The following YBX3 variants were observed in gnomAD, a reference collection of about 807,000 sequenced individuals.
YBX3 encodes the protein Y-box binding protein 3, also known as Y-box-binding protein 3.
A neutral mutation model predicts 42.4 loss-of-function variants in YBX3; 29 were observed. The ratio of observed to expected loss-of-function variants is 0.68; its 90% CI spans 0.51 to 0.93. The LOEUF is 0.93. Ranked by LOEUF, YBX3 falls within the 40% of genes least tolerant of loss-of-function variation. The pLI is 0.00. For missense variants in YBX3, 517 were observed against 527.5 expected, an observed-to-expected ratio of 0.98 and a Z score of 0.19; for synonymous variants, 195 against 189.8, an observed-to-expected ratio of 1.03 and a Z score of -0.22.
chr12:10,722,723 T>C (rs1046806136), intron 1 of YBX3, 127 bp downstream of exon 1: 44 of 891,904 alleles, frequency 4.9e-5, no homozygotes, highest in Non-Finnish European at 8.8e-6. Context: ...CGGAGATCCC[T>C]GGGGACCCTG....
rs540991772 is a variant in YBX3 at position 10,722,168 on chromosome 12, T to C, written c.262+682A>G. The C allele has an allele frequency of 3.9e-5, 6 of 152,348 alleles. No individual in the cohort carries two copies. The South Asian group carries it at 1.2e-3, about 32-fold the overall frequency. 9.4% of individuals were successfully genotyped at this position (152,348 alleles called of 1,614,324 possible). A position where few individuals can be genotyped will look rare whatever the true frequency, so the allele number is the denominator to read the frequency against. On this transcript the variant is annotated intron_variant, in intron 1 of 9. Transcript: ENST00000228251. The stretch of plus-strand genomic sequence containing the variant: ...CATTGGTGGACACTGAATGGCTGTT[T>C]GCAGCCGTGGGCACAGAGAGGGGGA...
At chr12:10,701,526 C>T (rs1421909713) in intron 8 of YBX3, among the ~76,000 whole-genome samples, 173 bp from the exon 9 acceptor site, 1 of 152,166 alleles carries the variant, frequency 6.6e-6, no homozygotes, top group Non-Finnish European at 1.5e-5. Context: ...CCTGGCATCT[C>T]TACCAAAACA....
rs762339088 is a variant in YBX3, at chr12:10,718,065, G to A, written c.360+23C>T. The A allele has an allele frequency of 3.6e-5, 58 of 1,598,374 alleles. No individual in the cohort carries two copies. In the Middle Eastern group the frequency reaches 6.6e-4, roughly 18 times the overall value. ...CACACCCTCTCCTCACATAGCAAAT[G>A]TAGTATTTATAATCCCTCTTACCTG... On this transcript the variant is annotated intron_variant, in intron 3 of 9. Transcript: ENST00000228251.
intron 1 of YBX3, chr12:10,721,929 T>C (rs1489885252): frequency 6.6e-6 from 1 of 152,384 alleles, no homozygotes; most frequent in East Asian, 1.9e-4. Context: ...AAAAGAACGC[T>C]TGTTATGTGA....
chr12:10,702,263 G>C (rs1015746356), intron 7 of YBX3, 129 bp from the exon 8 acceptor site: 1 of 896,816 alleles, frequency 1.1e-6, no homozygotes, highest in Admixed American at 3.3e-5. Context: ...GCTCACCCCT[G>C]TAATCCCAGC....
At chr12:10,703,530 C>G (rs905086233) in intron 7 of YBX3, 1 of 425,576 alleles carries the variant, frequency 2.3e-6, no homozygotes, top group African/African-American at 2.1e-5. Flanking sequence ...TACCTTTAAT[C>G]CCCAACTATA....
Position 10,710,020 on chromosome 12 carries a change from A to C in YBX3, c.668T>G (p.Leu223Arg), listed in dbSNP as rs1266295043. ...DRQFSGARNQ[L>R]RRPQYRPQYR... The stretch of plus-strand genomic sequence containing the variant: ...CTGAGGGCGATACTGGGGGCGGCGC[A>C]GCTGATTCCGGGCCCCAGAGAACTG... Residue 223 changes from leucine (L) to arginine (R), a missense_variant, in exon 6 of 10, where the codon CTG becomes CGG. Physicochemically the swap from Leu to Arg is moderately radical, Grantham distance 102. Transcript: ENST00000228251. The C allele has an allele frequency of 1.9e-6, 3 of 1,614,144 alleles. No individual in the cohort carries two copies. The highest frequency in any genetic ancestry group is 2.5e-6 in the Non-Finnish European group (3 of 1,180,000).
At chr12:10,711,138 A>C (rs937487340) in intron 5 of YBX3, 3 of 152,132 alleles carry the variant, frequency 2.0e-5, no homozygotes, top group African/African-American at 7.2e-5. Context: ...AAAGGAATTT[A>C]CCGATTCATT....
At chr12:10,704,225 ATT>A in intron 6 of YBX3, 77 bp from the exon 7 acceptor site, 1 of 1,267,006 alleles carries the variant, frequency 7.9e-7, no homozygotes, top group Non-Finnish European at 1.1e-6. Flanking sequence ...TATGTTCAGA[ATT>A]TTTTTTAGAA....
At chr12:10,702,538 C>T (rs1948093797) in intron 7 of YBX3, 1 of 152,118 alleles carries the variant, frequency 6.6e-6, no homozygotes, top group Non-Finnish European at 1.5e-5. Flanking sequence ...AAAAAAAAGT[C>T]AAGTGATGAG....
chr12:10,705,556 G>A (rs1259456717), intron 6 of YBX3, among the ~76,000 whole-genome samples: 1 of 152,166 alleles, frequency 6.6e-6, no homozygotes, highest in East Asian at 1.9e-4. Flanking sequence ...CTGTCAGGTG[G>A]CATATAGTTT....
chr12:10,718,119 T>C lies in YBX3; in HGVS notation c.329A>G (p.Asn110Ser), dbSNP rs1948283691. 3 of 1,612,128 alleles carry C rather than the reference T, an allele frequency of 1.9e-6. No individual in the cohort carries two copies. Among genetic ancestry groups the C allele is most frequent in the East Asian group, 2.2e-5 (1 of 44,864 alleles). ...VRNGYGFINR[N>S]DTKEDVFVHQ... ...TACAAATACATCTTCTTTGGTGTCA[T>C]TTCTGTTGAAAGACAAAAAGCTCAC... The change falls in exon 3 of 10, where the codon AAT becomes AGT. Residue 110 changes from asparagine (N) to serine (S), a missense_variant and splice_region_variant. Coordinates refer to ENST00000228251, the MANE Select transcript of YBX3 (RefSeq NM_003651.5).
chr12:10,699,804 G>C (rs1322506530), intron 9 of YBX3, 150 bp from the exon 10 acceptor site: 2 of 152,424 alleles, frequency 1.3e-5, no homozygotes, highest in African/African-American at 4.8e-5. Context: ...AGATCTGTAA[G>C]CTATATGTTA....
chr12:10,721,837 G>A (rs1158358883), intron 1 of YBX3: 1 of 152,198 alleles, frequency 6.6e-6, no homozygotes. Context: ...CGAACGATAT[G>A]GACACACACC....
At chr12:10,700,371 G>C (rs540750375) in intron 9 of YBX3, among the ~76,000 whole-genome samples, 134 of 152,132 alleles carry the variant, frequency 8.8e-4, no homozygotes, top group African/African-American at 2.9e-3. Context: ...TTGACACTGA[G>C]TTTACAACCT....
intron 6 of YBX3, among the ~76,000 whole-genome samples, chr12:10,706,900 C>A (rs536569127): frequency 1.3e-5 from 2 of 152,126 alleles, no homozygotes; most frequent in South Asian, 2.1e-4. Context: ...GCCTGTAGTC[C>A]CAGCTACTCA....
At chr12:10,702,237 A>G (rs1948090041) in intron 7 of YBX3, 103 bp from the exon 8 acceptor site, 2 of 1,219,834 alleles carry the variant, frequency 1.6e-6, no homozygotes, top group Non-Finnish European at 2.2e-6. Context: ...TCAAGTGATC[A>G]GGGCCAGGCA....
intron 8 of YBX3, among the ~76,000 whole-genome samples, 181 bp downstream of exon 8, chr12:10,701,779 T>C (rs949685631): frequency 1.3e-5 from 2 of 152,234 alleles, no homozygotes; most frequent in Non-Finnish European, 2.9e-5. Context: ...GAATGTTAAC[T>C]GGATTCAAAT....
Position 10,704,086 on chromosome 12 carries a change from A to C in YBX3, c.843T>G (p.Val281=). 2.5e-6 allele frequency: 4 copies of C among 1,614,178 alleles called. No homozygotes were observed. Among genetic ancestry groups the C allele is most frequent in the Non-Finnish European group, 3.4e-6 (4 of 1,180,024 alleles). Residue 281 remains valine, a synonymous_variant, in exon 7 of 10, where the codon GTT becomes GTG. Coordinates refer to ENST00000228251, the MANE Select transcript of YBX3 (RefSeq NM_003651.5). ...TTGGGCGGTAAGTTGGATTTCGATG[A>C]ACCGGTCCCTGAAGTTGTGCTCCCT... ...VPEGAQLQGP[V]HRNPTYRPRY...
Sources: allele counts gnomAD v4.1 joint callset (sites outside exome capture counted in the v4.1 genomes callset), GRCh38; gene constraint gnomAD v4.1.1; transcripts MANE v1.5; gene names NCBI Gene and HGNC (gene_info 2026-07-23, HGNC 2026-07-21).